The following TMEM131L variants were observed in gnomAD, a reference collection of about 807,000 sequenced individuals.
TMEM131L encodes the protein transmembrane 131 like, also known as transmembrane protein 131-like.
In TMEM131L, 54 loss-of-function variants were observed where a neutral mutation model predicts 192.2. That is an observed-to-expected ratio of 0.28 (90% CI 0.23 to 0.35). TMEM131L has a LOEUF of 0.35. Ranked by LOEUF, TMEM131L falls within the 10% of genes least tolerant of loss-of-function variation. TMEM131L has a pLI of 1.00. For missense variants in TMEM131L, 1,888 were observed against 1,972.9 expected (o/e 0.96, Z 0.82); for synonymous variants, 701 against 704.9 (o/e 0.99, Z 0.09).
At position 153,626,162 on chromosome 4, in the gene TMEM131L, A is replaced by G. The variant is rs763109417; in HGVS notation, c.4061A>G (p.Gln1354Arg). 1 of 1,610,782 alleles carries G rather than the reference A, an allele frequency of 6.2e-7. No individual in the cohort carries two copies. The highest frequency in any genetic ancestry group is 1.3e-5 in the African/African-American group (1 of 74,844). ...HFLPAGDSVS[Q>R]NDFPSEAPIS... ...TTTAATGCAGGAGACAGTGTTTCAC[A>G]AAATGATTTTCCTTCTGAAGCTCCC... Residue 1354 changes from glutamine to arginine, a missense_variant, in exon 30 of 35, where the codon CAA becomes CGA. Physicochemically the swap from Gln to Arg is conservative, Grantham distance 43. Transcript: ENST00000409959.
At chr4:153,582,437 T>G (rs1578796608) in intron 9 of TMEM131L, among the ~76,000 whole-genome samples, 1 of 132,812 alleles carries the variant, frequency 7.5e-6, no homozygotes, top group Admixed American at 7.4e-5. Context: ...TTTGTTGTTT[T>G]TTTTTTTTTT....
intron 3 of TMEM131L, among the ~76,000 whole-genome samples, chr4:153,536,722 C>G (rs62324749): frequency 9.6e-6 from 1 of 104,270 alleles, no homozygotes; most frequent in Non-Finnish European, 2.3e-5. Context: ...CTATCTATCT[C>G]CCTCCCTCCC....
chr4:153,476,876 A>T (rs910482593), intron 3 of TMEM131L, among the ~76,000 whole-genome samples: 2 of 152,228 alleles, frequency 1.3e-5, no homozygotes, highest in African/African-American at 4.8e-5. Context: ...AATTTATTTT[A>T]AAAAGGGATT....
chr4:153,485,151 A>G (rs1465271093), intron 3 of TMEM131L, among the ~76,000 whole-genome samples: 1 of 149,174 alleles, frequency 6.7e-6, no homozygotes, highest in Non-Finnish European at 1.5e-5. Flanking sequence ...AAAAATCAGC[A>G]TTTGTTGAGA....
intron 2 of TMEM131L, among the ~76,000 whole-genome samples, chr4:153,473,383 A>G (rs971568866): frequency 3.3e-5 from 5 of 152,150 alleles, no homozygotes; most frequent in Admixed American, 3.3e-4. Context: ...GGGGCTACTG[A>G]TGGTGTGGGC....
chr4:153,576,022 C>T (rs972509167), intron 7 of TMEM131L, among the ~76,000 whole-genome samples: 1 of 151,900 alleles, frequency 6.6e-6, no homozygotes, highest in Non-Finnish European at 1.5e-5. Flanking sequence ...TGCAGTGGCC[C>T]GATCTCGGCT....
At chr4:153,480,343 G>GAAAAC (rs1487484583) in intron 3 of TMEM131L, among the ~76,000 whole-genome samples, 10 of 149,426 alleles carry the variant, frequency 6.7e-5, no homozygotes, top group Non-Finnish European at 1.3e-4. Flanking sequence ...CGTCTCAAAA[G>GAAAAC]AAAACAAAAC....
chr4:153,497,930 C>T (rs1163927504), intron 3 of TMEM131L, among the ~76,000 whole-genome samples: 1 of 150,794 alleles, frequency 6.6e-6, no homozygotes, highest in African/African-American at 2.4e-5. Flanking sequence ...CGGTGAACAC[C>T]CAGATACACA....
Position 153,556,891 on chromosome 4 carries a change from A to C in TMEM131L, c.433-75A>C, listed in dbSNP as rs569117871. The C allele has an allele frequency of 8.5e-5, 63 of 737,950 alleles. 1 individual carries two copies. The African/African-American group carries it at 8.8e-4, about 10-fold the overall frequency. The allele number at this position is 737,950 out of a possible 1,614,324, so 45.7% of individuals were successfully genotyped here. Reference sequence around the variant, plus strand: ...AAATGTCTGTTAACAGAAATTGTCAAAAAAAGAAAGTCTGTGAAAGACAGT... The same window carrying C: ...AAATGTCTGTTAACAGAAATTGTCACAAAAAGAAAGTCTGTGAAAGACAGT... On this transcript the variant is annotated intron_variant, in intron 5 of 34. Transcript: ENST00000409959.
At chr4:153,598,316 G>A (rs1018627116) in intron 20 of TMEM131L, among the ~76,000 whole-genome samples, 1 of 151,874 alleles carries the variant, frequency 6.6e-6, no homozygotes, top group African/African-American at 2.4e-5. Flanking sequence ...GGCTACATGT[G>A]TGGGCTGTGG....
At chr4:153,472,818 A>T (rs1450692551) in intron 2 of TMEM131L, among the ~76,000 whole-genome samples, 1 of 152,198 alleles carries the variant, frequency 6.6e-6, no homozygotes, top group Non-Finnish European at 1.5e-5. Flanking sequence ...GGGGAATTAC[A>T]TGCTTTTGTC....
intron 7 of TMEM131L, among the ~76,000 whole-genome samples, chr4:153,574,928 A>T (rs889679292): frequency 1.3e-5 from 2 of 152,174 alleles, no homozygotes; most frequent in African/African-American, 4.8e-5. Flanking sequence ...TTAGCATTCA[A>T]AATTGTGAAA....
chr4:153,632,757 T>C lies in TMEM131L; in HGVS notation c.4247T>C (p.Val1416Ala), dbSNP rs532566731. The part of the protein sequence containing the change: ...SPGDLWPTPP[V>A]CVTSSLNCTL... The stretch of plus-strand genomic sequence containing the variant: ...GGAGACCTGTGGCCCACTCCGCCAG[T>C]GTGTGTGACAAGCAGCTTAAACTGC... The change falls in exon 32 of 35, where the codon GTG (valine) becomes GCG (alanine). Residue 1416 changes from valine to alanine, a missense_variant. Transcript: ENST00000409959. 1 of 1,614,008 alleles carries C rather than the reference T, an allele frequency of 6.2e-7. No homozygotes were observed. Among genetic ancestry groups the C allele is most frequent in the East Asian group, 2.2e-5 (1 of 44,864 alleles).
chr4:153,545,046 G>A (rs1213912658), intron 3 of TMEM131L, among the ~76,000 whole-genome samples: 2 of 152,164 alleles, frequency 1.3e-5, no homozygotes, highest in African/African-American at 4.8e-5. Context: ...CCATGTCTAA[G>A]TTACTGGACT....
intron 3 of TMEM131L, among the ~76,000 whole-genome samples, chr4:153,534,536 C>T (rs1387513364): frequency 4.6e-5 from 7 of 152,218 alleles, no homozygotes; most frequent in African/African-American, 1.7e-4. Flanking sequence ...CGGGTTCAAG[C>T]GATTCTCCTG....
chr4:153,567,394 A>G (rs1479996781), intron 7 of TMEM131L, among the ~76,000 whole-genome samples: 1 of 152,230 alleles, frequency 6.6e-6, no homozygotes, highest in East Asian at 1.9e-4. Flanking sequence ...TTTTAGCAGT[A>G]CACCAAGATG....
intron 7 of TMEM131L, among the ~76,000 whole-genome samples, chr4:153,572,458 G>A (rs1729651104): frequency 1.3e-5 from 2 of 152,032 alleles, no homozygotes; most frequent in South Asian, 2.1e-4. Flanking sequence ...AGCCTCCCAA[G>A]TAGCTGGGAT....
chr4:153,627,559 C>T lies in TMEM131L; in HGVS notation c.4125-46C>T, dbSNP rs147003621. The stretch of plus-strand genomic sequence containing the variant: ...TGGTTATACAATATCAGTATTTCCT[C>T]GTGCAGAAAAAATGAGTCGTTCCTC... On this transcript the variant is annotated intron_variant, in intron 30 of 34. Transcript: ENST00000409959. The T allele has an allele frequency of 1.9e-4, 277 of 1,439,354 alleles. No homozygotes were observed. In the African/African-American group the frequency reaches 3.5e-3, roughly 18 times the overall value. The allele number at this position is 1,439,354 out of a possible 1,614,324, so 89.2% of individuals were successfully genotyped here. A position where few individuals can be genotyped will look rare whatever the true frequency, so the allele number is the denominator to read the frequency against.
At chr4:153,553,088 A>G (rs2150433511) in intron 4 of TMEM131L, among the ~76,000 whole-genome samples, 1 of 152,294 alleles carries the variant, frequency 6.6e-6, no homozygotes. Context: ...GAGAATGCTG[A>G]AAGTCTTTGA....
Sources: gnomAD v4.1 joint callset for allele counts (sites outside exome capture counted in the v4.1 genomes callset) on GRCh38, gnomAD v4.1.1 for gene constraint, MANE v1.5 for transcripts, NCBI Gene and HGNC (gene_info 2026-07-23, HGNC 2026-07-21) for gene names.